The following SNX29 variants were observed in gnomAD, a reference collection of about 807,000 sequenced individuals.
SNX29 encodes the protein sorting nexin 29.
Under a neutral mutation model 102.1 loss-of-function variants are expected in SNX29, and 78 were observed. That is an observed-to-expected ratio of 0.76 (90% CI 0.64 to 0.92). The LOEUF (loss-of-function observed/expected upper bound fraction) is 0.92. SNX29 is among the 40% of genes least tolerant of loss of function. The pLI is 0.00. For missense variants in SNX29, 1,280 were observed against 1,061.7 expected, an observed-to-expected ratio of 1.21 and a Z score of -2.86; for synonymous variants, 580 against 414.5, an observed-to-expected ratio of 1.40 and a Z score of -4.85.
Position 12,511,779 on chromosome 16 carries a change from C to G in SNX29, c.2179-12923C>G, listed in dbSNP as rs552420161. ...GCTATGATCTGTCATCCCCCCTCCC[C>G]CGCAACTTTAGAGTAAGATCTCGAA... On this transcript the variant is annotated intron_variant, in intron 19 of 20. Transcript: ENST00000566228. Among the ~76,000 whole-genome samples, 9 of 152,190 alleles carry G rather than the reference C, an allele frequency of 5.9e-5. No individual in the cohort carries two copies. In the East Asian group the frequency reaches 1.2e-3, roughly 20 times the overall value.
intron 18 of SNX29, among the ~76,000 whole-genome samples, chr16:12,426,380 C>T (rs752541953): frequency 1.5e-4 from 23 of 152,162 alleles, no homozygotes; most frequent in Non-Finnish European, 3.4e-4. Flanking sequence ...ATCCTGAAAG[C>T]TTCTGCTCAG....
chr16:12,187,484 G>A (rs1466742044), intron 13 of SNX29, among the ~76,000 whole-genome samples: 1 of 151,750 alleles, frequency 6.6e-6, no homozygotes, highest in Non-Finnish European at 1.5e-5. Context: ...GGAGGCGGAG[G>A]TTGCTGTGAG....
chr16:12,053,678 T>C (rs552413346), intron 8 of SNX29, among the ~76,000 whole-genome samples: 1 of 143,832 alleles, frequency 7.0e-6, no homozygotes, highest in East Asian at 1.9e-4. Flanking sequence ...TTTTTTTTTT[T>C]CTGATGAGAC....
rs559809276 is a variant in SNX29, at chr16:12,418,073, T to C, written c.2037+14544T>C. Among the ~76,000 whole-genome samples, 8 of 152,230 alleles carry C rather than the reference T, an allele frequency of 5.3e-5. No individual in the cohort carries two copies. The South Asian group carries it at 1.7e-3, about 32-fold the overall frequency. ...GTGGGATTTGTCTTACATTGGAGGA[T>C]TCCCACGTGTCGGGAAAGTGCTTCC... is the stretch of plus-strand genomic sequence containing the variant. On this transcript the variant is annotated intron_variant, in intron 18 of 20. Transcript: ENST00000566228.
chr16:12,320,428 T>C (rs1380484055), intron 15 of SNX29, among the ~76,000 whole-genome samples: 1 of 152,016 alleles, frequency 6.6e-6, no homozygotes, highest in Non-Finnish European at 1.5e-5. Context: ...TTGTCCTGAA[T>C]GAATGTGAAG....
At chr16:12,501,423 T>C (rs1259307167) in intron 19 of SNX29, among the ~76,000 whole-genome samples, 2 of 151,470 alleles carry the variant, frequency 1.3e-5, no homozygotes, top group Non-Finnish European at 2.9e-5. Context: ...AAACAAATTA[T>C]GTTTAAGACA....
intron 13 of SNX29, among the ~76,000 whole-genome samples, chr16:12,136,679 C>A (rs1200259031): frequency 6.6e-6 from 1 of 152,128 alleles, no homozygotes; most frequent in Admixed American, 6.5e-5. Flanking sequence ...GCACAGGATC[C>A]AAAGGGAAGA....
intron 14 of SNX29, among the ~76,000 whole-genome samples, chr16:12,227,219 C>T (rs1233378839): frequency 6.6e-6 from 1 of 152,182 alleles, no homozygotes; most frequent in African/African-American, 2.4e-5. Flanking sequence ...CTTGTCATCC[C>T]ACAGAGCTGA....
chr16:12,537,976 C>T (rs12597843), intron 20 of SNX29, among the ~76,000 whole-genome samples: 2,772 of 108,066 alleles, frequency 0.026, 91 homozygotes, highest in East Asian at 0.15. Context: ...TAGAGCAAAA[C>T]TCCGTTTCAA....
intron 14 of SNX29, among the ~76,000 whole-genome samples, chr16:12,221,360 A>G (rs999630052): frequency 1.3e-5 from 2 of 152,188 alleles, no homozygotes; most frequent in Admixed American, 6.5e-5. Flanking sequence ...CAGCCCCGTA[A>G]TCCCAGCACT....
intron 1 of SNX29, among the ~76,000 whole-genome samples, chr16:11,993,059 G>A (rs1456938262): frequency 6.6e-6 from 1 of 152,044 alleles, no homozygotes; most frequent in East Asian, 1.9e-4. Flanking sequence ...CAGCTACTCA[G>A]GAGGCTGAGG....
At chr16:12,223,856 G>T (rs2077539286) in intron 14 of SNX29, among the ~76,000 whole-genome samples, 1 of 152,174 alleles carries the variant, frequency 6.6e-6, no homozygotes, top group African/African-American at 2.4e-5. Context: ...AGCATTTCAT[G>T]GCCAGTGGCT....
At chr16:12,492,072 A>G (rs969661930) in intron 19 of SNX29, among the ~76,000 whole-genome samples, 1 of 152,184 alleles carries the variant, frequency 6.6e-6, no homozygotes, top group Non-Finnish European at 1.5e-5. Flanking sequence ...GTCAGATGGT[A>G]TTTCCAGTTC....
intron 1 of SNX29, among the ~76,000 whole-genome samples, chr16:11,993,849 G>A (rs539768387): frequency 1.3e-5 from 2 of 152,262 alleles, no homozygotes; most frequent in African/African-American, 4.8e-5. Context: ...GGCCGGGCGC[G>A]GTGGCTCATG....
chr16:12,313,153 A>G (rs917532293), intron 15 of SNX29, among the ~76,000 whole-genome samples: 13 of 151,814 alleles, frequency 8.6e-5, no homozygotes, highest in Admixed American at 5.3e-4. Flanking sequence ...AGCTGGGACT[A>G]TAGGCGCCCA....
At chr16:12,119,756 G>C (rs1009386580) in intron 11 of SNX29, among the ~76,000 whole-genome samples, 2 of 152,234 alleles carry the variant, frequency 1.3e-5, no homozygotes, top group Admixed American at 1.3e-4. Flanking sequence ...ACCAGGTGTG[G>C]GTCCTTGCCT....
intron 10 of SNX29, among the ~76,000 whole-genome samples, chr16:12,073,728 A>G (rs999445807): frequency 6.6e-6 from 1 of 151,850 alleles, no homozygotes; most frequent in African/African-American, 2.4e-5. Context: ...ATCCTTGTTG[A>G]CTTTCTGTCT....
At chr16:12,545,259 A>T (rs2077538214) in intron 20 of SNX29, among the ~76,000 whole-genome samples, 1 of 152,220 alleles carries the variant, frequency 6.6e-6, no homozygotes, top group African/African-American at 2.4e-5. Context: ...GGCTCCAAAG[A>T]GTACTGTTGA....
chr16:12,268,647 T>C (rs2079004567), intron 14 of SNX29, among the ~76,000 whole-genome samples: 1 of 152,220 alleles, frequency 6.6e-6, no homozygotes, highest in African/African-American at 2.4e-5. Context: ...CCCGTTGTTA[T>C]GGGACCTGGG....
Sources: gnomAD v4.1 joint callset for allele counts (sites outside exome capture counted in the v4.1 genomes callset) on GRCh38, gnomAD v4.1.1 for gene constraint, MANE v1.5 for transcripts, NCBI Gene and HGNC (gene_info 2026-07-23, HGNC 2026-07-21) for gene names.